Variants in ADCY5 observed in about 807,000 individuals in gnomAD.
ADCY5 encodes adenylate cyclase 5, also known as adenylate cyclase type 5.
A neutral mutation model predicts 119.7 loss-of-function variants in ADCY5; 30 were observed. The observed-to-expected ratio is 0.25, with a 90% CI of 0.19 to 0.34. The LOEUF (loss-of-function observed/expected upper bound fraction) is 0.34. Ranked by LOEUF, ADCY5 falls within the 10% of genes least tolerant of loss-of-function variation. The pLI, the probability that ADCY5 is intolerant of heterozygous loss-of-function variation, is 1.00. For missense variants in ADCY5, 1,324 were observed against 1,775.2 expected, an observed-to-expected ratio of 0.75 and a Z score of 4.57; for synonymous variants, 753 against 762.2, an observed-to-expected ratio of 0.99 and a Z score of 0.20.
intron 4 of ADCY5, among the ~76,000 whole-genome samples, chr3:123,331,905 C>T (rs975760104): frequency 2.0e-5 from 3 of 152,330 alleles, no homozygotes; most frequent in Admixed American, 6.5e-5. Flanking sequence ...ATCAATAACC[C>T]GGCCTGGCGT....
At chr3:123,441,062 T>C (rs1390375282) in intron 1 of ADCY5, among the ~76,000 whole-genome samples, 2 of 152,180 alleles carry the variant, frequency 1.3e-5, no homozygotes, top group East Asian at 3.8e-4. Flanking sequence ...TAGGAGGTCT[T>C]GCCACTGTTG....
chr3:123,336,289 G>A (rs1942022384), intron 3 of ADCY5, among the ~76,000 whole-genome samples: 1 of 152,240 alleles, frequency 6.6e-6, no homozygotes, highest in Non-Finnish European at 1.5e-5. Context: ...CACAGTTTGT[G>A]AAAGCACCCA....
At chr3:123,307,346 G>A (rs150444329) in intron 12 of ADCY5, among the ~76,000 whole-genome samples, 52 of 152,252 alleles carry the variant, frequency 3.4e-4, no homozygotes, top group African/African-American at 1.1e-3. Flanking sequence ...CTTCCGTCTC[G>A]TTATTGGGAA....
intron 1 of ADCY5, among the ~76,000 whole-genome samples, chr3:123,366,705 A>G (rs1249555172): frequency 1.3e-5 from 2 of 152,232 alleles, no homozygotes; most frequent in African/African-American, 4.8e-5. Context: ...GCAATGAATG[A>G]ACATCTAGAG....
chr3:123,332,857 G>A (rs1941829635), intron 3 of ADCY5, among the ~76,000 whole-genome samples, 182 bp from the exon 4 acceptor site: 1 of 151,786 alleles, frequency 6.6e-6, no homozygotes, highest in African/African-American at 2.4e-5. Flanking sequence ...TGGGCTCAGG[G>A]GATCCTCTCC....
Position 123,283,810 on chromosome 3 carries a change from C to CAAT in ADCY5, c.*795_*797dup, listed in dbSNP as rs1938540899. The stretch of plus-strand genomic sequence containing the variant: ...CTATCTGTGAGATCTCCAAGGCTTT[C>CAAT]AATAATACAAAATAAAAAATACAAA... On this transcript the variant is annotated 3_prime_UTR_variant, in exon 21 of 21. Coordinates refer to ENST00000462833, the MANE Select transcript of ADCY5 (RefSeq NM_183357.3). 1 of 152,112 alleles carries CAAT rather than the reference C, an allele frequency of 6.6e-6. No homozygotes were observed. The highest frequency in any genetic ancestry group is 2.4e-5 in the African/African-American group (1 of 41,396). The allele number at this position is 152,112 out of a possible 1,614,324, so 9.4% of individuals were successfully genotyped here.
chr3:123,340,184 G>T (rs1048241678), intron 3 of ADCY5, among the ~76,000 whole-genome samples: 2 of 152,076 alleles, frequency 1.3e-5, no homozygotes, highest in African/African-American at 4.8e-5. Flanking sequence ...CCGAGTTACT[G>T]GGAGCTGAGG....
At chr3:123,377,570 G>C (rs1255704625) in intron 1 of ADCY5, among the ~76,000 whole-genome samples, 2 of 152,212 alleles carry the variant, frequency 1.3e-5, no homozygotes, top group African/African-American at 4.8e-5. Context: ...TTTTCCATCA[G>C]TGTGCAACTT....
chr3:123,403,062 C>G (rs1020615446), intron 1 of ADCY5, among the ~76,000 whole-genome samples: 1 of 152,036 alleles, frequency 6.6e-6, no homozygotes, highest in Non-Finnish European at 1.5e-5. Context: ...TCCTCTGCAT[C>G]TTGCAATGTC....
intron 17 of ADCY5, among the ~76,000 whole-genome samples, chr3:123,295,162 T>C (rs943809574): frequency 2.0e-5 from 3 of 152,148 alleles, no homozygotes; most frequent in Non-Finnish European, 2.9e-5. Flanking sequence ...CCATCCTCAC[T>C]CAGCATCCAA....
intron 3 of ADCY5, among the ~76,000 whole-genome samples, chr3:123,341,042 T>C (rs1009476013): frequency 3.3e-5 from 5 of 152,056 alleles, no homozygotes; most frequent in African/African-American, 1.2e-4. Flanking sequence ...GGAGAATTGC[T>C]TGAACCCAGG....
intron 1 of ADCY5, among the ~76,000 whole-genome samples, chr3:123,426,604 T>A (rs945122227): frequency 6.6e-6 from 1 of 152,192 alleles, no homozygotes; most frequent in African/African-American, 2.4e-5. Flanking sequence ...GTGCTGGGAT[T>A]ACGGGCGTGA....
intron 3 of ADCY5, among the ~76,000 whole-genome samples, chr3:123,342,093 G>A (rs189597991): frequency 6.6e-6 from 1 of 152,088 alleles, no homozygotes; most frequent in Non-Finnish European, 1.5e-5. Context: ...ATCGTGGCCG[G>A]CCCAGAATAC....
In ADCY5 at chr3:123,367,833, G is replaced by C. The variant is rs568730366; in HGVS notation, c.1135-15252C>G. ...TTCCTCACCTCTGGGGCTCATTTTA[G>C]GTCAGCAGAATCCAGAAGAAAAAAA... On this transcript the variant is annotated intron_variant, in intron 1 of 20. Coordinates refer to ENST00000462833, the MANE Select transcript of ADCY5 (RefSeq NM_183357.3). The C allele has an allele frequency of 4.0e-5, 60 of 1,517,490 alleles. No homozygotes were observed. In the East Asian group the frequency reaches 1.4e-3, roughly 35 times the overall value. The allele number at this position is 1,517,490 out of a possible 1,614,324, so 94.0% of individuals were successfully genotyped here. A position where few individuals can be genotyped will look rare whatever the true frequency, so the allele number is the denominator to read the frequency against.
At chr3:123,415,237 T>C (rs543363003) in intron 1 of ADCY5, among the ~76,000 whole-genome samples, 13 of 152,282 alleles carry the variant, frequency 8.5e-5, no homozygotes, top group African/African-American at 2.9e-4. Flanking sequence ...GATGGAATCA[T>C]AAAACTTCCT....
chr3:123,340,591 TA>T (rs1455875311), intron 3 of ADCY5, among the ~76,000 whole-genome samples: 9 of 152,092 alleles, frequency 5.9e-5, no homozygotes, highest in Admixed American at 5.9e-4. Context: ...TCCAGAGAGC[TA>T]AAATAGTAAG....
Position 123,332,557 on chromosome 3 carries a change from G to A in ADCY5, c.1518+7C>T. On this transcript the variant is annotated splice_region_variant and intron_variant, in intron 4 of 20. Transcript: ENST00000462833. The stretch of plus-strand genomic sequence containing the variant: ...GCCACCCCAACCCCCGGCTCAGGGT[G>A]ACTCACTGCGGCCAGCTTGTCAAAG... 1.9e-6 allele frequency: 3 copies of A among 1,606,568 alleles called. No homozygotes were observed. Among genetic ancestry groups the A allele is most frequent in the Non-Finnish European group, 2.6e-6 (3 of 1,174,058 alleles).
rs141428146 is a variant in ADCY5, at chr3:123,296,343, C to A, written c.2931-127G>T. The A allele has an allele frequency of 2.1e-3, 2,375 of 1,148,134 alleles. 19 individuals are homozygous for A. In the African/African-American group the frequency reaches 0.024, roughly 11 times the overall value. 71.1% of individuals were successfully genotyped at this position (1,148,134 alleles called of 1,614,324 possible). A position where few individuals can be genotyped will look rare whatever the true frequency, so the allele number is the denominator to read the frequency against. ...ACTATACCTTCCCCTCTTCCTTATC[C>A]CCCTGCTCAAACTTTGCCGCACGCG... On this transcript the variant is annotated intron_variant, in intron 16 of 20. Transcript: ENST00000462833.
intron 3 of ADCY5, among the ~76,000 whole-genome samples, chr3:123,342,641 G>A (rs1431114627): frequency 6.6e-6 from 1 of 151,888 alleles, no homozygotes; most frequent in East Asian, 1.9e-4. Flanking sequence ...CCCACTAGAG[G>A]AGACAGCTTT....
Sources: gnomAD v4.1 joint callset for allele counts (sites outside exome capture counted in the v4.1 genomes callset) on GRCh38, gnomAD v4.1.1 for gene constraint, MANE v1.5 for transcripts, NCBI Gene and HGNC (gene_info 2026-07-23, HGNC 2026-07-21) for gene names.